FANCL: variants seen among roughly 807,000 people sequenced by gnomAD.
The protein encoded by FANCL is FA complementation group L.
A neutral mutation model predicts 59.4 loss-of-function variants in FANCL; 69 were observed. The observed-to-expected ratio is 1.16, with a 90% CI of 0.96 to 1.42. FANCL has a LOEUF of 1.42. Among genes scored for constraint, FANCL ranks in the 40% most tolerant of loss-of-function variants. The pLI is 0.00. For missense variants in FANCL, 519 were observed against 447.2 expected, an observed-to-expected ratio of 1.16 and a Z score of -1.45; for synonymous variants, 180 against 147.1, an observed-to-expected ratio of 1.22 and a Z score of -1.62.
intron 1 of FANCL, among the ~76,000 whole-genome samples, chr2:58,239,458 A>G (rs1362229582): frequency 6.6e-6 from 1 of 152,226 alleles, no homozygotes; most frequent in Non-Finnish European, 1.5e-5. Flanking sequence ...TGTCTAGCTT[A>G]TAAAAAACAC....
chr2:58,208,789 C>T (rs1390973078), intron 5 of FANCL, among the ~76,000 whole-genome samples: 1 of 152,158 alleles, frequency 6.6e-6, no homozygotes, highest in East Asian at 1.9e-4. Context: ...TACACCAATC[C>T]ATTCTGCCTT....
intron 7 of FANCL, among the ~76,000 whole-genome samples, chr2:58,180,668 G>A (rs1687847201): frequency 6.6e-6 from 1 of 151,926 alleles, no homozygotes; most frequent in Non-Finnish European, 1.5e-5. Flanking sequence ...TAACAAACCT[G>A]CACGTTCTGC....
At chr2:58,191,694 G>C (rs1003641061) in intron 7 of FANCL, among the ~76,000 whole-genome samples, 9 of 151,784 alleles carry the variant, frequency 5.9e-5, no homozygotes, top group African/African-American at 1.9e-4. Flanking sequence ...CTGTCTGACA[G>C]ATATGTGTGT....
intron 7 of FANCL, among the ~76,000 whole-genome samples, chr2:58,182,410 C>T (rs1374486922): frequency 6.6e-6 from 1 of 151,746 alleles, no homozygotes; most frequent in African/African-American, 2.4e-5. Flanking sequence ...TTACCAGAGT[C>T]ACACTTCCAT....
chr2:58,201,016 C>G (rs1489941906), intron 6 of FANCL, among the ~76,000 whole-genome samples: 1 of 150,202 alleles, frequency 6.7e-6, no homozygotes, highest in African/African-American at 2.4e-5. Context: ...TTAAAAAGAA[C>G]ATTTATGTAA....
At chr2:58,175,679 C>T (rs1403353493) in intron 7 of FANCL, among the ~76,000 whole-genome samples, 6 of 152,126 alleles carry the variant, frequency 3.9e-5, no homozygotes, top group Non-Finnish European at 7.4e-5. Flanking sequence ...GCCAATATCA[C>T]AGTGAATGGG....
At chr2:58,229,164 T>C (rs946819697) in intron 3 of FANCL, among the ~76,000 whole-genome samples, 17 of 152,120 alleles carry the variant, frequency 1.1e-4, no homozygotes, top group East Asian at 3.9e-4. Flanking sequence ...CACAGAAATA[T>C]AGAAAATCAG....
At chr2:58,167,421 GTC>G (rs1686066796) in intron 7 of FANCL, among the ~76,000 whole-genome samples, 3 of 148,084 alleles carry the variant, frequency 2.0e-5, no homozygotes, top group African/African-American at 8.0e-5. Flanking sequence ...TCCTTTCTCT[GTC>G]TGTTTCTACA....
At chr2:58,235,006 T>C (rs1372369166) in intron 1 of FANCL, among the ~76,000 whole-genome samples, 1 of 151,874 alleles carries the variant, frequency 6.6e-6, no homozygotes, top group Admixed American at 6.6e-5. Flanking sequence ...TGCCTAAAAT[T>C]GTCTGGTTCT....
intron 5 of FANCL, among the ~76,000 whole-genome samples, chr2:58,219,796 T>C (rs1287470830): frequency 6.6e-6 from 1 of 152,138 alleles, no homozygotes; most frequent in East Asian, 1.9e-4. Flanking sequence ...ACATTATTCA[T>C]TAAGTGGCAG....
intron 7 of FANCL, among the ~76,000 whole-genome samples, chr2:58,172,837 A>C (rs1686807556): frequency 6.6e-6 from 1 of 152,140 alleles, no homozygotes; most frequent in African/African-American, 2.4e-5. Flanking sequence ...TCAAACTACT[A>C]TGAGCTACAG....
chr2:58,222,234 G>A (rs1265142033), intron 4 of FANCL, among the ~76,000 whole-genome samples, 192 bp from the exon 5 acceptor site: 1 of 151,884 alleles, frequency 6.6e-6, no homozygotes, highest in Non-Finnish European at 1.5e-5. Flanking sequence ...CTGCACTGAA[G>A]GTCATGCAAA....
chr2:58,216,864 TGAG>T (rs936009400), intron 5 of FANCL, among the ~76,000 whole-genome samples: 9 of 151,850 alleles, frequency 5.9e-5, no homozygotes, highest in Admixed American at 3.3e-4. Context: ...GTAAAGCGGG[TGAG>T]GAGAAGAGGC....
At chr2:58,210,945 G>A (rs556517428) in intron 5 of FANCL, among the ~76,000 whole-genome samples, 9 of 152,288 alleles carry the variant, frequency 5.9e-5, no homozygotes, top group African/African-American at 2.2e-4. Context: ...CTGAGTTCAT[G>A]GGCTGGTGTT....
chr2:58,175,752 TATTCAAC>T (rs1193323894), intron 7 of FANCL, among the ~76,000 whole-genome samples: 10 of 152,150 alleles, frequency 6.6e-5, no homozygotes, highest in Non-Finnish European at 7.3e-5. Context: ...TCACCACTCC[TATTCAAC>T]ATAGTGTTGG....
chr2:58,173,990 G>C (rs1031457158), intron 7 of FANCL, among the ~76,000 whole-genome samples: 14 of 152,076 alleles, frequency 9.2e-5, no homozygotes, highest in Non-Finnish European at 2.1e-4. Flanking sequence ...TGCAATCCTA[G>C]TCTCTGATAA....
At chr2:58,175,521 C>T (rs1368258535) in intron 7 of FANCL, among the ~76,000 whole-genome samples, 1 of 151,922 alleles carries the variant, frequency 6.6e-6, no homozygotes, top group Admixed American at 6.6e-5. Context: ...TAAACAGAAC[C>T]AAAGACAAAA....
At chr2:58,203,770 G>A (rs544640206) in intron 6 of FANCL, among the ~76,000 whole-genome samples, 3 of 152,144 alleles carry the variant, frequency 2.0e-5, no homozygotes, top group East Asian at 1.9e-4. Flanking sequence ...AGTAACAGCT[G>A]AATGCAAAAG....
chr2:58,230,319 T>A (rs1007867273), intron 2 of FANCL, among the ~76,000 whole-genome samples: 7 of 152,164 alleles, frequency 4.6e-5, no homozygotes, highest in African/African-American at 1.7e-4. Context: ...ATTTTTTATT[T>A]TTTAGAGACA....
Sources: gnomAD v4.1 joint callset for allele counts (sites outside exome capture counted in the v4.1 genomes callset) on GRCh38, gnomAD v4.1.1 for gene constraint, MANE v1.5 for transcripts, NCBI Gene and HGNC (gene_info 2026-07-23, HGNC 2026-07-21) for gene names.